The following TTN variants were observed in gnomAD, a reference collection of about 807,000 sequenced individuals.
TTN encodes connectin.
In TTN, 1,525 loss-of-function variants were observed where a neutral mutation model predicts 3,223.0. The observed-to-expected ratio is 0.47, with a 90% CI of 0.45 to 0.49. The LOEUF (loss-of-function observed/expected upper bound fraction) is 0.49. Among genes scored for constraint, TTN ranks in the 20% least tolerant of loss-of-function variants. The probability of loss-of-function intolerance (pLI) is 0.00; values close to 1 mark genes in which losing one functional copy is unlikely to be tolerated. For synonymous variants in TTN, 14,094 were observed against 15,161.0 expected (o/e 0.93, Z 5.17); for missense variants, 40,786 against 43,424.0 (o/e 0.94, Z 5.40).
chr2:178,769,626 T>C, intron 37 of TTN, 53 bp downstream of exon 37: 1 of 1,328,732 alleles, frequency 7.5e-7, no homozygotes. Context: ...ATCTACTGAA[T>C]ATTTGATATT....
At chr2:178,754,147 A>G (rs2086322021) in intron 46 of TTN, 1 of 152,132 alleles carries the variant, frequency 6.6e-6, no homozygotes, top group African/African-American at 2.4e-5. Flanking sequence ...CTTATATATG[A>G]TATGTTTATG....
chr2:178,622,441 T>C (rs2058434428), intron 243 of TTN, among the ~76,000 whole-genome samples: 1 of 151,916 alleles, frequency 6.6e-6, no homozygotes, highest in African/African-American at 2.4e-5. Context: ...TTCAAACTAA[T>C]ATCTAAATCT....
intron 108 of TTN, 25 bp from the exon 109 acceptor site, chr2:178,702,091 T>C: frequency 6.2e-7 from 1 of 1,612,184 alleles, no homozygotes; most frequent in Non-Finnish European, 8.5e-7. Context: ...AAAAATGATA[T>C]TTTTGTGTTC....
chr2:178,650,823 G>T lies in TTN; in HGVS notation c.39637C>A (p.Pro13213Thr), dbSNP rs766710373. The change falls in exon 209 of 363, where the codon CCA becomes ACA. Residue 13213 changes from proline to threonine, a missense_variant. Coordinates refer to ENST00000589042, the MANE Select transcript of TTN (RefSeq NM_001267550.2). ...EVPPAKVPEV[P>T]KKPVLEEKPA... is the part of the protein sequence containing the mutation. Reference sequence around the variant, plus strand: ...TTCTCTTCCAAGACAGGTTTCTTTGGCACTTCTGGCACTTTAAAGATATTA... The same window carrying T: ...TTCTCTTCCAAGACAGGTTTCTTTGTCACTTCTGGCACTTTAAAGATATTA... 1 of 1,603,770 alleles carries T rather than the reference G, an allele frequency of 6.2e-7. No individual in the cohort carries two copies. Among genetic ancestry groups the T allele is most frequent in the South Asian group, 1.1e-5 (1 of 89,046 alleles).
chr2:178,774,599 C>T lies in TTN; in HGVS notation c.6791-126G>A, dbSNP rs2091981205. The T allele has an allele frequency of 3.5e-6, 3 of 853,460 alleles. No homozygotes were observed. The South Asian group carries it at 5.4e-5, about 15-fold the overall frequency. 52.9% of individuals were successfully genotyped at this position (853,460 alleles called of 1,614,324 possible). ...CTATCAGGTGTATTCTTAATATCTA[C>T]CCGCTGATGGGCTGAGAGATAAATT... On this transcript the variant is annotated intron_variant, in intron 29 of 362. Coordinates refer to ENST00000589042, the MANE Select transcript of TTN (RefSeq NM_001267550.2).
chr2:178,712,160 G>A lies in TTN; in HGVS notation c.27670C>T (p.Leu9224=), dbSNP rs757147575. ...GGGGTTCCAGCAAGCTGGCATTGTA[G>A]AGAGGCAGAATCTCCAACAGACACC... ...VKVSVGDSAS[L]QCQLAGTPEI... is the part of the protein sequence containing the mutation. The change falls in exon 96 of 363, where the codon CTA becomes TTA. Residue 9224 remains leucine (L), a synonymous_variant. Coordinates refer to ENST00000589042, the MANE Select transcript of TTN (RefSeq NM_001267550.2). The A allele has an allele frequency of 2.5e-5, 41 of 1,613,674 alleles. No homozygotes were observed. The highest frequency in any genetic ancestry group is 3.5e-5 in the Non-Finnish European group (41 of 1,179,790).
Position 178,575,587 on chromosome 2 carries a change from A to G in TTN, c.70545T>C (p.Tyr23515=), listed in dbSNP as rs1575805406. ...TAGTTTCTGTTGGCTCACCAATTCC[A>G]TATTCATTCTCTGCCATCACTCTGA... The part of the protein sequence containing the change: ...YFFRVMAENE[Y]GIGEPTETTE... The change falls in exon 326 of 363, where the codon TAT becomes TAC. Residue 23515 remains tyrosine (Y), a synonymous_variant. Coordinates refer to ENST00000589042, the MANE Select transcript of TTN (RefSeq NM_001267550.2). This position sits in a 1 kb window ranked among gnomAD's most constrained non-coding sequence, Gnocchi z 4.0. 3.1e-6 allele frequency: 5 copies of G among 1,613,610 alleles called. No individual in the cohort carries two copies. The highest frequency in any genetic ancestry group is 1.7e-4 in the Middle Eastern group (1 of 6,054).
intron 2 of TTN, 42 bp from the exon 3 acceptor site, chr2:178,802,383 C>A (rs748208896): frequency 6.3e-7 from 1 of 1,584,554 alleles, no homozygotes; most frequent in South Asian, 1.1e-5. Flanking sequence ...TGAATGGGCA[C>A]CACAAAGTCC....
In TTN at chr2:178,529,995, C is replaced by T. The variant is rs1211721189; in HGVS notation, c.106496G>A (p.Gly35499Glu). Residue 35499 changes from glycine to glutamate, a missense_variant, in exon 359 of 363, where the codon GGA (glycine) becomes GAA (glutamate). Physicochemically the swap from Gly to Glu is moderately conservative, Grantham distance 98. Coordinates refer to ENST00000589042, the MANE Select transcript of TTN (RefSeq NM_001267550.2). ...TAATTTGCAGCTAGAGGACACAGAT[C>T]CAGCTGAATTTTTTACTGTACAAGT... ...LYTCTVKNSA[G>E]SVSSSCKLTI... 1.2e-6 allele frequency: 2 copies of T among 1,602,584 alleles called. No homozygotes were observed. Among genetic ancestry groups the T allele is most frequent in the Non-Finnish European group, 1.7e-6 (2 of 1,177,286 alleles).
Position 178,784,480 on chromosome 2 carries a change from C to A in TTN, c.2494-129G>T. On this transcript the variant is annotated intron_variant, in intron 15 of 362. Transcript: ENST00000589042. Reference sequence around the variant, plus strand: ...ATGTTCTCATTAGCACTCATTATCACACAGTTAATGAAAAGTCATTTAGAG... The same window carrying A: ...ATGTTCTCATTAGCACTCATTATCAAACAGTTAATGAAAAGTCATTTAGAG... 3.5e-6 allele frequency: 4 copies of A among 1,126,824 alleles called. No homozygotes were observed. In the South Asian group the frequency reaches 4.5e-5, roughly 13 times the overall value. The allele number at this position is 1,126,824 out of a possible 1,614,324, so 69.8% of individuals were successfully genotyped here. A position where few individuals can be genotyped will look rare whatever the true frequency, so the allele number is the denominator to read the frequency against.
Position 178,632,964 on chromosome 2 carries a change from G to A in TTN, c.43167C>T (p.Ser14389=), listed in dbSNP as rs375780439. ...NCQLGMTGEV[S]FQAANAKSAA... is the part of the protein sequence containing the mutation. ...CAGATTTGGCATTAGCAGCCTGGAA[G>A]GAAACCTCTCCTGTCATACCCAGCT... is the stretch of plus-strand genomic sequence containing the variant. Residue 14389 remains serine, a synonymous_variant, in exon 234 of 363, where the codon TCC becomes TCT. Transcript: ENST00000589042. 109 of 1,613,064 alleles carry A rather than the reference G, an allele frequency of 6.8e-5. No homozygotes were observed. Among genetic ancestry groups the A allele is most frequent in the Non-Finnish European group, 8.9e-5 (105 of 1,179,440 alleles).
chr2:178,604,709 C>G lies in TTN; in HGVS notation c.54380G>C (p.Gly18127Ala), dbSNP rs371971395. 1.9e-5 allele frequency: 30 copies of G among 1,604,064 alleles called. No homozygotes were observed. The highest frequency in any genetic ancestry group is 2.0e-5 in the Non-Finnish European group (24 of 1,175,178). ...VTNTAVEKRY[G>A]IWKLIPNGQY... is the part of the protein sequence containing the mutation. ...AAGAAAATATTCAGAAGAGTTTACC[C>G]CATATCTTTTCTCTACAGCAGTGTT... Residue 18127 changes from glycine (G) to alanine (A), a missense_variant and splice_region_variant, in exon 281 of 363, where the codon GGG becomes GCG. Gly to Ala is a moderately conservative substitution (Grantham distance 60). Coordinates refer to ENST00000589042, the MANE Select transcript of TTN (RefSeq NM_001267550.2).
intron 69 of TTN, chr2:178,726,810 T>A (rs1038693033): frequency 1.0e-5 from 3 of 291,284 alleles, no homozygotes; most frequent in African/African-American, 6.5e-5. Context: ...CCTACTTCAT[T>A]TTTTTGTGCA....
At chr2:178,680,440 G>C (rs1367578828) in intron 138 of TTN, 109 bp from the exon 139 acceptor site, 1 of 864,088 alleles carries the variant, frequency 1.2e-6, no homozygotes, top group East Asian at 2.5e-5. Flanking sequence ...CCTTTAATGA[G>C]ATACATATGC....
chr2:178,607,940 C>A lies in TTN; in HGVS notation c.52847G>T (p.Trp17616Leu), dbSNP rs2055319182. 6.2e-7 allele frequency: 1 copy of A among 1,612,902 alleles called. No homozygotes were observed. The highest frequency in any genetic ancestry group is 8.5e-7 in the Non-Finnish European group (1 of 1,179,272). ...VDKQLVGTNE[W>L]SRCTEKMIKV... ...GATCATCTTCTCTGTGCAGCGTGAC[C>A]ATTCATTTGTGCCAACCAACTGCTT... The change falls in exon 276 of 363, where the codon TGG (tryptophan) becomes TTG (leucine). Residue 17616 changes from tryptophan to leucine, a missense_variant. By Grantham distance (61) the Trp-to-Leu change is moderately conservative. Coordinates refer to ENST00000589042, the MANE Select transcript of TTN (RefSeq NM_001267550.2).
intron 47 of TTN, chr2:178,746,217 A>T (rs1275198247): frequency 6.2e-7 from 1 of 1,612,882 alleles, no homozygotes; most frequent in African/African-American, 1.3e-5. Flanking sequence ...ACAGCATCTG[A>T]ATTTTCTGGA....
intron 220 of TTN, 48 bp from the exon 221 acceptor site, chr2:178,640,678 A>G (rs1413685833): frequency 7.1e-7 from 1 of 1,415,978 alleles, no homozygotes; most frequent in Non-Finnish European, 9.6e-7. Context: ...AATATTTAGG[A>G]AGCACCTCAT....
rs368698752 is a variant in TTN, at chr2:178,739,754, A to C, written c.13479T>G (p.Pro4493=). ...TTGTTTTGGCTCCTTGCTGAATTCT[A>C]GGACCCTCAGCTGTTAGGATGTCTA... ...EEIDILTAEG[P]RIQQGAKTSL... Residue 4493 remains proline (P), a synonymous_variant, in exon 48 of 363, where the codon CCT becomes CCG. Coordinates refer to ENST00000589042, the MANE Select transcript of TTN (RefSeq NM_001267550.2). 2.2e-4 allele frequency: 361 copies of C among 1,613,784 alleles called. No homozygotes were observed. Among genetic ancestry groups the C allele is most frequent in the Non-Finnish European group, 3.0e-4 (351 of 1,179,824 alleles).
chr2:178,705,813 A>C (rs2075779900), intron 102 of TTN, among the ~76,000 whole-genome samples: 1 of 152,212 alleles, frequency 6.6e-6, no homozygotes, highest in East Asian at 1.9e-4. Context: ...ATAATTATGG[A>C]AAATGTTTAA....
Sources: gnomAD v4.1 joint callset for allele counts (sites outside exome capture counted in the v4.1 genomes callset) on GRCh38, gnomAD v4.1.1 for gene constraint, Gnocchi (gnomAD v3.1) non-coding constraint, MANE v1.5 for transcripts, NCBI Gene and HGNC (gene_info 2026-07-23, HGNC 2026-07-21) for gene names.